EGR1: variants seen among roughly 807,000 people sequenced by gnomAD.
EGR1 encodes the protein early growth response 1.
EGR1 carries 8 observed loss-of-function variants against 30.2 expected under a neutral mutation model. The ratio of observed to expected loss-of-function variants is 0.26; its 90% CI spans 0.16 to 0.48. The LOEUF (loss-of-function observed/expected upper bound fraction) is 0.48. Among genes scored for constraint, EGR1 ranks in the 20% least tolerant of loss-of-function variants. The pLI is 0.99. For missense variants in EGR1, 568 were observed against 732.3 expected, an observed-to-expected ratio of 0.78 and a Z score of 2.59; for synonymous variants, 334 against 312.8, an observed-to-expected ratio of 1.07 and a Z score of -0.72.
Position 138,467,049 on chromosome 5 carries a change from T to C in EGR1, c.600T>C (p.Ser200=), listed in dbSNP as rs750646463. ...LSCAVPSNDS[S]PIYSAAPTFP... is the part of the protein sequence containing the mutation. ...GCGCAGTGCCATCCAACGACAGCAGTCCCATTTACTCAGCGGCACCCACCT... is the reference window on the plus strand; with the variant it reads ...GCGCAGTGCCATCCAACGACAGCAGCCCCATTTACTCAGCGGCACCCACCT... Residue 200 remains serine, a synonymous_variant, in exon 2 of 2, where the codon AGT becomes AGC. Coordinates refer to ENST00000239938, the MANE Select transcript of EGR1 (RefSeq NM_001964.3). The surrounding 1 kb of genome is among the most constrained non-coding windows in gnomAD (Gnocchi z 8.3). 2 of 1,613,780 alleles carry C rather than the reference T, an allele frequency of 1.2e-6. No individual in the cohort carries two copies. Among genetic ancestry groups the C allele is most frequent in the Admixed American group, 1.7e-5 (1 of 59,998 alleles).
chr5:138,466,669 G>A (rs1052945625), intron 1 of EGR1, 88 bp from the exon 2 acceptor site: 70 of 1,474,336 alleles, frequency 4.7e-5, no homozygotes, highest in Non-Finnish European at 6.4e-5. Flanking sequence ...TAGCCGGCCC[G>A]GTCTCTTGCC....
In EGR1 at chr5:138,466,914, C is replaced by G; in HGVS notation, c.465C>G (p.Phe155Leu). The G allele has an allele frequency of 6.2e-7, 1 of 1,614,096 alleles. No homozygotes were observed. Among genetic ancestry groups the G allele is most frequent in the Non-Finnish European group, 8.5e-7 (1 of 1,180,006 alleles). The change falls in exon 2 of 2, where the codon TTC becomes TTG. Residue 155 changes from phenylalanine (F) to leucine (L), a missense_variant. Phe to Leu is a conservative substitution (Grantham distance 22). This residue lies in a region of EGR1 where 415 missense variants were observed against 445.2 expected (regional missense o/e 0.93). Transcript: ENST00000239938. ...SGNTLWPEPL[F>L]SLVSGLVSMT... ...ACACCTTGTGGCCCGAGCCCCTCTTCAGCTTGGTCAGTGGCCTAGTGAGCA... is the reference window on the plus strand; with the variant it reads ...ACACCTTGTGGCCCGAGCCCCTCTTGAGCTTGGTCAGTGGCCTAGTGAGCA...
chr5:138,466,770 C>G lies in EGR1; in HGVS notation c.321C>G (p.Asp107Glu). Residue 107 changes from aspartate to glutamate, a missense_variant, in exon 2 of 2, where the codon GAC becomes GAG. By Grantham distance (45) the Asp-to-Glu change is conservative (BLOSUM62 2). Coordinates refer to ENST00000239938, the MANE Select transcript of EGR1 (RefSeq NM_001964.3). Reference protein sequence around the residue: ...YEHLTAESFPDISLNNEKVLV... With the variant: ...YEHLTAESFPEISLNNEKVLV... Reference sequence around the variant, plus strand: ...CTCTCCTGCCAGAGTCTTTTCCTGACATCTCTCTGAACAACGAGAAGGTGC... The same window carrying G: ...CTCTCCTGCCAGAGTCTTTTCCTGAGATCTCTCTGAACAACGAGAAGGTGC... 6.2e-7 allele frequency: 1 copy of G among 1,610,954 alleles called. No homozygotes were observed. The highest frequency in any genetic ancestry group is 8.5e-7 in the Non-Finnish European group (1 of 1,177,428).
rs1382375721 is a variant in EGR1, at chr5:138,465,899, C to T, written c.138C>T (p.Pro46=). The T allele has an allele frequency of 6.2e-7, 1 of 1,613,802 alleles. No individual in the cohort carries two copies. The highest frequency in any genetic ancestry group is 8.5e-7 in the Non-Finnish European group (1 of 1,179,866). Reference sequence around the variant, plus strand: ...TGATGCTGCTGAGCAACGGGGCTCCCCAGTTCCTCGGCGCCGCCGGGGCCC... The same window carrying T: ...TGATGCTGCTGAGCAACGGGGCTCCTCAGTTCCTCGGCGCCGCCGGGGCCC... The part of the protein sequence containing the change: ...EEMMLLSNGA[P]QFLGAAGAPE... Residue 46 remains proline, a synonymous_variant, in exon 1 of 2, where the codon CCC becomes CCT. Coordinates refer to ENST00000239938, the MANE Select transcript of EGR1 (RefSeq NM_001964.3).
At chr5:138,466,480 G>A (rs1487920334) in intron 1 of EGR1, among the ~76,000 whole-genome samples, 1 of 152,256 alleles carries the variant, frequency 6.6e-6, no homozygotes, top group Non-Finnish European at 1.5e-5. Context: ...GCGGCCATGG[G>A]GGTGCTGGCG....
intron 1 of EGR1, 124 bp downstream of exon 1, chr5:138,466,192 C>T: frequency 7.1e-7 from 1 of 1,406,942 alleles, no homozygotes. Context: ...CCTCGCATCC[C>T]CAGAGTCATG....
In EGR1 at chr5:138,466,007, C is replaced by T; in HGVS notation, c.246C>T (p.Ser82=). 6.2e-7 allele frequency: 1 copy of T among 1,608,542 alleles called. No individual in the cohort carries two copies. The highest frequency in any genetic ancestry group is 8.5e-7 in the Non-Finnish European group (1 of 1,177,566). The stretch of plus-strand genomic sequence containing the variant: ...GGGGCGGCAGCAACAGCAGCAGCAG[C>T]AGCAGCACCTTCAACCCTCAGGCGG... The part of the protein sequence containing the change: ...GGGGGSNSSS[S]SSTFNPQADT... Residue 82 remains serine, a synonymous_variant, in exon 1 of 2, where the codon AGC becomes AGT. Coordinates refer to ENST00000239938, the MANE Select transcript of EGR1 (RefSeq NM_001964.3).
chr5:138,467,313 T>A lies in EGR1; in HGVS notation c.864T>A (p.Pro288=), dbSNP rs1580992135. The change falls in exon 2 of 2, where the codon CCT becomes CCA. Residue 288 remains proline (P), a synonymous_variant. Coordinates refer to ENST00000239938, the MANE Select transcript of EGR1 (RefSeq NM_001964.3). The surrounding 1 kb of genome is among the most constrained non-coding windows in gnomAD (Gnocchi z 8.3). ...ESRTQQPSLT[P]LSTIKAFATQ... is the part of the protein sequence containing the mutation. Reference sequence around the variant, plus strand: ...GCACCCAGCAGCCTTCGCTAACCCCTCTGTCTACTATTAAGGCCTTTGCCA... The same window carrying A: ...GCACCCAGCAGCCTTCGCTAACCCCACTGTCTACTATTAAGGCCTTTGCCA... 6.2e-7 allele frequency: 1 copy of A among 1,613,672 alleles called. No individual in the cohort carries two copies. The highest frequency in any genetic ancestry group is 1.1e-5 in the South Asian group (1 of 91,064).
In EGR1 at chr5:138,467,132, C is replaced by T; in HGVS notation, c.683C>T (p.Ser228Leu). Residue 228 changes from serine to leucine, a missense_variant, in exon 2 of 2, where the codon TCG becomes TTG. By Grantham distance (145) the Ser-to-Leu change is moderately radical. Coordinates refer to ENST00000239938, the MANE Select transcript of EGR1 (RefSeq NM_001964.3). The surrounding 1 kb of genome is among the most constrained non-coding windows in gnomAD (Gnocchi z 8.3). ...CCACAAAGCCAGGCCTTCCCGGGCTCGGCAGGGACAGCGCTCCAGTACCCG... is the reference window on the plus strand; with the variant it reads ...CCACAAAGCCAGGCCTTCCCGGGCTTGGCAGGGACAGCGCTCCAGTACCCG... ...PEPQSQAFPG[S>L]AGTALQYPPP... 1.2e-6 allele frequency: 2 copies of T among 1,613,552 alleles called. No homozygotes were observed. Among genetic ancestry groups the T allele is most frequent in the Non-Finnish European group, 1.7e-6 (2 of 1,179,988 alleles).
chr5:138,467,300 C>T lies in EGR1; in HGVS notation c.851C>T (p.Pro284Leu). Reference protein sequence around the residue: ...FQGLESRTQQPSLTPLSTIKA... With the variant: ...FQGLESRTQQLSLTPLSTIKA... ...GGCCTGGAGAGCCGCACCCAGCAGCCTTCGCTAACCCCTCTGTCTACTATT... is the reference window on the plus strand; with the variant it reads ...GGCCTGGAGAGCCGCACCCAGCAGCTTTCGCTAACCCCTCTGTCTACTATT... Residue 284 changes from proline (P) to leucine (L), a missense_variant, in exon 2 of 2, where the codon CCT becomes CTT. By Grantham distance (98) the Pro-to-Leu change is moderately conservative (BLOSUM62 -3). This residue lies in a region of EGR1 where 415 missense variants were observed against 445.2 expected (regional missense o/e 0.93). Coordinates refer to ENST00000239938, the MANE Select transcript of EGR1 (RefSeq NM_001964.3). This position sits in a 1 kb window ranked among gnomAD's most constrained non-coding sequence, Gnocchi z 8.3. 2 of 1,614,118 alleles carry T rather than the reference C, an allele frequency of 1.2e-6. No homozygotes were observed. The highest frequency in any genetic ancestry group is 8.5e-7 in the Non-Finnish European group (1 of 1,180,032).
intron 1 of EGR1, 112 bp from the exon 2 acceptor site, chr5:138,466,645 T>A (rs1179307223): frequency 8.2e-7 from 1 of 1,224,800 alleles, no homozygotes; most frequent in Non-Finnish European, 1.2e-6. Context: ...ATTAACTACC[T>A]CGGGAGTCAA....
chr5:138,467,128 G>T lies in EGR1; in HGVS notation c.679G>T (p.Gly227Cys). 1 of 1,613,490 alleles carries T rather than the reference G, an allele frequency of 6.2e-7. No individual in the cohort carries two copies. Residue 227 changes from glycine (G) to cysteine (C), a missense_variant, in exon 2 of 2, where the codon GGC becomes TGC. Around this residue, in one of 4 missense-constraint regions of EGR1, gnomAD observed 415 missense variants for 445.2 expected, o/e 0.93. Coordinates refer to ENST00000239938, the MANE Select transcript of EGR1 (RefSeq NM_001964.3). This position sits in a 1 kb window ranked among gnomAD's most constrained non-coding sequence, Gnocchi z 8.3. The stretch of plus-strand genomic sequence containing the variant: ...TGAGCCACAAAGCCAGGCCTTCCCG[G>T]GCTCGGCAGGGACAGCGCTCCAGTA... ...FPEPQSQAFPGSAGTALQYPP... is the reference protein window; with the variant it reads ...FPEPQSQAFPCSAGTALQYPP...
In EGR1 at chr5:138,469,176, A is replaced by T. The variant is rs34219635; in HGVS notation, c.*1095A>T. 6.6e-6 allele frequency: 1 copy of T among 152,152 alleles called. No individual in the cohort carries two copies. The allele number at this position is 152,152 out of a possible 1,614,324, so 9.4% of individuals were successfully genotyped here. Reference sequence around the variant, plus strand: ...ATGCAGTTCATTATTTTGTGGTTCTATTTTACTTTGTACTTGTGTTTGCTT... The same window carrying T: ...ATGCAGTTCATTATTTTGTGGTTCTTTTTTACTTTGTACTTGTGTTTGCTT... On this transcript the variant is annotated 3_prime_UTR_variant, in exon 2 of 2. Coordinates refer to ENST00000239938, the MANE Select transcript of EGR1 (RefSeq NM_001964.3).
Position 138,467,266 on chromosome 5 carries a change from C to A in EGR1, c.817C>A (p.Pro273Thr), listed in dbSNP as rs1215737762. Residue 273 changes from proline (P) to threonine (T), a missense_variant, in exon 2 of 2, where the codon CCC becomes ACC. Pro to Thr is a conservative substitution (Grantham distance 38). Transcript: ENST00000239938. This position sits in a 1 kb window ranked among gnomAD's most constrained non-coding sequence, Gnocchi z 8.3. ...DLGLGTPDQK[P>T]FQGLESRTQQ... ...GGGCCTGGGCACCCCAGACCAGAAGCCCTTCCAGGGCCTGGAGAGCCGCAC... is the reference window on the plus strand; with the variant it reads ...GGGCCTGGGCACCCCAGACCAGAAGACCTTCCAGGGCCTGGAGAGCCGCAC... 6.2e-7 allele frequency: 1 copy of A among 1,614,060 alleles called. No homozygotes were observed. Among genetic ancestry groups the A allele is most frequent in the Non-Finnish European group, 8.5e-7 (1 of 1,180,016 alleles).
At position 138,465,727 on chromosome 5, in the gene EGR1, G is replaced by T. The variant is rs993434907; in HGVS notation, c.-35G>T. 1 of 874,386 alleles carries T rather than the reference G, an allele frequency of 1.1e-6. No individual in the cohort carries two copies. Among genetic ancestry groups the T allele is most frequent in the Non-Finnish European group, 1.7e-6 (1 of 582,006 alleles). The allele number at this position is 874,386 out of a possible 1,614,324, so 54.2% of individuals were successfully genotyped here. A position where few individuals can be genotyped will look rare whatever the true frequency, so the allele number is the denominator to read the frequency against. On this transcript the variant is annotated 5_prime_UTR_variant, in exon 1 of 2. Transcript: ENST00000239938. ...CTCCAGCCCCGGGCTGCACCCCCCCGCCCCGACACCAGCTCTCCAGCCTGC... is the reference window on the plus strand; with the variant it reads ...CTCCAGCCCCGGGCTGCACCCCCCCTCCCCGACACCAGCTCTCCAGCCTGC...
Position 138,465,540 on chromosome 5 carries a change from T to C in EGR1, c.-222T>C. The C allele has an allele frequency of 3.1e-6, 1 of 320,656 alleles. No homozygotes were observed. The highest frequency in any genetic ancestry group is 5.5e-6 in the Non-Finnish European group (1 of 182,884). 19.9% of individuals were successfully genotyped at this position (320,656 alleles called of 1,614,324 possible). ...CCGCCATCCGCCGCCGCAGCCAGCT[T>C]CCGCCGCCGCAGGACCGGCCCCTGC... On this transcript the variant is annotated 5_prime_UTR_variant, in exon 1 of 2. Transcript: ENST00000239938.
chr5:138,467,151 G>A lies in EGR1; in HGVS notation c.702G>A (p.Gln234=), dbSNP rs1764169003. The A allele has an allele frequency of 6.2e-7, 1 of 1,613,062 alleles. No individual in the cohort carries two copies. The highest frequency in any genetic ancestry group is 8.5e-7 in the Non-Finnish European group (1 of 1,179,960). Residue 234 remains glutamine, a synonymous_variant, in exon 2 of 2, where the codon CAG becomes CAA. Transcript: ENST00000239938. The surrounding 1 kb of genome is among the most constrained non-coding windows in gnomAD (Gnocchi z 8.3). ...AFPGSAGTAL[Q]YPPPAYPAAK... ...CGGGCTCGGCAGGGACAGCGCTCCA[G>A]TACCCGCCTCCTGCCTACCCTGCCG...
Position 138,468,102 on chromosome 5 carries a change from G to T in EGR1, c.*21G>T. The T allele has an allele frequency of 6.5e-7, 1 of 1,542,516 alleles. No homozygotes were observed. Among genetic ancestry groups the T allele is most frequent in the Non-Finnish European group, 8.7e-7 (1 of 1,146,210 alleles). On this transcript the variant is annotated 3_prime_UTR_variant, in exon 2 of 2. Transcript: ENST00000239938. ...GCTAAAGGGAAAGGGGAAAGAAAGG[G>T]AAAAGGGAGAAAAAGAAACACAAGA...
Position 138,465,947 on chromosome 5 carries a change from C to T in EGR1, c.186C>T (p.Ser62=), listed in dbSNP as rs576786834. ...CCCCAGAGGGCAGCGGCAGCAACAG[C>T]AGCAGCAGCAGCAGCGGGGGCGGTG... ...AGAPEGSGSN[S]SSSSSGGGGG... is the part of the protein sequence containing the mutation. Residue 62 remains serine, a synonymous_variant, in exon 1 of 2, where the codon AGC becomes AGT. Transcript: ENST00000239938. 1 of 1,611,956 alleles carries T rather than the reference C, an allele frequency of 6.2e-7. No individual in the cohort carries two copies. Among genetic ancestry groups the T allele is most frequent in the East Asian group, 2.2e-5 (1 of 44,840 alleles).
Sources: allele counts gnomAD v4.1 joint callset (sites outside exome capture counted in the v4.1 genomes callset), GRCh38; gene constraint gnomAD v4.1.1; regional missense constraint gnomAD v4.1.1; non-coding constraint Gnocchi (gnomAD v3.1); transcripts MANE v1.5; gene names NCBI Gene and HGNC (gene_info 2026-07-23, HGNC 2026-07-21).